The following BCAS3 variants were observed in gnomAD, a reference collection of about 807,000 sequenced individuals.
BCAS3 encodes the protein BCAS3 microtubule associated cell migration factor.
A neutral mutation model predicts 116.1 loss-of-function variants in BCAS3; 53 were observed. That is an observed-to-expected ratio of 0.46 (90% confidence interval 0.37 to 0.57). The LOEUF is 0.57. Ranked by LOEUF, BCAS3 falls within the 20% of genes least tolerant of loss-of-function variation. The pLI, the probability that BCAS3 is intolerant of heterozygous loss-of-function variation, is 0.00. For synonymous variants in BCAS3, 391 were observed against 408.2 expected, an observed-to-expected ratio of 0.96 and a Z score of 0.51; for missense variants, 917 against 1,165.4, an observed-to-expected ratio of 0.79 and a Z score of 3.10.
chr17:61,018,498 C>T (rs1200121928), intron 16 of BCAS3, among the ~76,000 whole-genome samples: 20 of 151,864 alleles, frequency 1.3e-4, no homozygotes, highest in Admixed American at 1.2e-3. Flanking sequence ...GACAGGGTTT[C>T]GCCATGTTGG....
intron 22 of BCAS3, among the ~76,000 whole-genome samples, chr17:61,184,715 A>G (rs1247444906): frequency 6.6e-6 from 1 of 152,200 alleles, no homozygotes; most frequent in African/African-American, 2.4e-5. Flanking sequence ...CCAAATGTTC[A>G]TCAACTGGCG....
Position 60,910,165 on chromosome 17 carries a change from A to G in BCAS3, c.823-367A>G, listed in dbSNP as rs138218742. 1.5e-3 allele frequency among the ~76,000 whole-genome samples: 235 copies of G among 152,314 alleles called. 8 individuals carry two copies. In the East Asian group the frequency reaches 0.019, roughly 13 times the overall value. On this transcript the variant is annotated intron_variant, in intron 11 of 23. Coordinates refer to ENST00000407086, the MANE Select transcript of BCAS3 (RefSeq NM_017679.5). ...AAGAATTGACCATTTCATAGTTTCT[A>G]CTTCTTCCTATGTCATTGATTTTAA...
chr17:60,953,585 T>C (rs2060960499), intron 14 of BCAS3, among the ~76,000 whole-genome samples: 1 of 152,184 alleles, frequency 6.6e-6, no homozygotes, highest in Non-Finnish European at 1.5e-5. Context: ...AGCCCATTTG[T>C]CAATTTTTGC....
Position 61,013,576 on chromosome 17 carries a change from G to A in BCAS3, c.1487-2175G>A, listed in dbSNP as rs1203136429. 6.6e-6 allele frequency among the ~76,000 whole-genome samples: 1 copy of A among 151,866 alleles called. No homozygotes were observed. Among genetic ancestry groups the A allele is most frequent in the Admixed American group, 6.6e-5 (1 of 15,238 alleles). On this transcript the variant is annotated intron_variant, in intron 15 of 23. Transcript: ENST00000407086. This position sits in a 1 kb window ranked among gnomAD's most constrained non-coding sequence, Gnocchi z 4.4. Reference sequence around the variant, plus strand: ...TATTTTCTACAAGGTTCTGTGTTGTGGCCTAAATCATCTTGTGTGTATTGT... The same window carrying A: ...TATTTTCTACAAGGTTCTGTGTTGTAGCCTAAATCATCTTGTGTGTATTGT...
At chr17:61,372,254 C>T (rs1377946381) in intron 23 of BCAS3, among the ~76,000 whole-genome samples, 2 of 152,166 alleles carry the variant, frequency 1.3e-5, no homozygotes, top group African/African-American at 4.8e-5. Context: ...CAGTGCCTAG[C>T]GCAGTGTCTG....
chr17:61,120,392 C>G (rs547190749), intron 22 of BCAS3, among the ~76,000 whole-genome samples: 6 of 152,050 alleles, frequency 3.9e-5, no homozygotes, highest in Admixed American at 2.6e-4. Flanking sequence ...CAGCTACAAA[C>G]CCATATCTTT....
At chr17:61,231,980 G>T (rs1018170054) in intron 22 of BCAS3, among the ~76,000 whole-genome samples, 22 of 151,626 alleles carry the variant, frequency 1.5e-4, no homozygotes, top group Admixed American at 1.1e-3. Context: ...GCCGAGGGGG[G>T]TGGATCACAA....
At chr17:60,752,090 A>C (rs1365962906) in intron 6 of BCAS3, among the ~76,000 whole-genome samples, 1 of 150,960 alleles carries the variant, frequency 6.6e-6, no homozygotes, top group East Asian at 1.9e-4. Context: ...CATAACACTA[A>C]CTTATATTAT....
At chr17:60,875,185 G>A (rs779726595) in intron 9 of BCAS3, among the ~76,000 whole-genome samples, 9 of 152,110 alleles carry the variant, frequency 5.9e-5, no homozygotes, top group Admixed American at 1.3e-4. Context: ...TATTTTAAAA[G>A]AGTGTTCAAA....
At chr17:60,980,111 G>T (rs1296966314) in intron 14 of BCAS3, among the ~76,000 whole-genome samples, 1 of 152,134 alleles carries the variant, frequency 6.6e-6, no homozygotes, top group Non-Finnish European at 1.5e-5. Flanking sequence ...ATTCGGCTGT[G>T]AATCCATCTG....
chr17:60,905,441 A>C (rs1486122155), intron 11 of BCAS3, among the ~76,000 whole-genome samples: 1 of 152,218 alleles, frequency 6.6e-6, no homozygotes, highest in East Asian at 1.9e-4. Flanking sequence ...AAATACAGAT[A>C]GTTTCTGGTT....
At chr17:61,117,227 T>C (rs1452163970) in intron 22 of BCAS3, among the ~76,000 whole-genome samples, 4 of 152,214 alleles carry the variant, frequency 2.6e-5, no homozygotes, top group Admixed American at 2.6e-4. Context: ...ATTCTTTCTG[T>C]GCCTCTTCAT....
rs1275057242 is a variant in BCAS3, at chr17:61,258,770, G to T, written c.2426-109557G>T. 6.6e-6 allele frequency among the ~76,000 whole-genome samples: 1 copy of T among 152,216 alleles called. No homozygotes were observed. Among genetic ancestry groups the T allele is most frequent in the Non-Finnish European group, 1.5e-5 (1 of 68,022 alleles). On this transcript the variant is annotated intron_variant, in intron 22 of 23. Coordinates refer to ENST00000407086, the MANE Select transcript of BCAS3 (RefSeq NM_017679.5). The surrounding 1 kb of genome is among the most constrained non-coding windows in gnomAD (Gnocchi z 4.7). ...CTCTGTAGTTGATTTGGGAAGCCAG[G>T]CATCACTCTGTGGAAGAACCACAGA...
At chr17:61,052,154 CT>C (rs1232271279) in intron 19 of BCAS3, among the ~76,000 whole-genome samples, 3 of 152,036 alleles carry the variant, frequency 2.0e-5, no homozygotes, top group African/African-American at 7.2e-5. Flanking sequence ...CTCTCTGTCA[CT>C]TTCCCTTTTT....
intron 22 of BCAS3, among the ~76,000 whole-genome samples, chr17:61,137,691 C>A (rs60635200): frequency 0.076 from 11,546 of 152,286 alleles, 1,427 homozygotes; most frequent in African/African-American, 0.26. Flanking sequence ...ATCACTTGAA[C>A]CCGGAAGGCA....
rs772809291 is a variant in BCAS3, at chr17:61,013,469, A to G, written c.1487-2282A>G. Among the ~76,000 whole-genome samples the G allele has an allele frequency of 3.3e-5, 5 of 152,102 alleles. No homozygotes were observed. The highest frequency in any genetic ancestry group is 9.7e-5 in the African/African-American group (4 of 41,446). On this transcript the variant is annotated intron_variant, in intron 15 of 23. Transcript: ENST00000407086. This position sits in a 1 kb window ranked among gnomAD's most constrained non-coding sequence, Gnocchi z 4.4. ...ATTGGCCTTGAGAGTGTGATAATAA[A>G]TTACTTCGAATGGCTTAACTATGAA...
At chr17:60,762,417 T>C (rs1165572479) in intron 6 of BCAS3, among the ~76,000 whole-genome samples, 6 of 152,236 alleles carry the variant, frequency 3.9e-5, no homozygotes, top group Non-Finnish European at 8.8e-5. Context: ...TTTCTACATA[T>C]GGCTAGCCAG....
At position 61,285,095 on chromosome 17, in the gene BCAS3, C is replaced by A. The variant is rs993121633; in HGVS notation, c.2426-83232C>A. ...ACTGATGCTAACCTCGGGGTCTCTT[C>A]TGTCCCCTAGTGATTCAAACCAGCT... On this transcript the variant is annotated intron_variant, in intron 22 of 23. Coordinates refer to ENST00000407086, the MANE Select transcript of BCAS3 (RefSeq NM_017679.5). The surrounding 1 kb of genome is among the most constrained non-coding windows in gnomAD (Gnocchi z 5.4). Among the ~76,000 whole-genome samples, 4 of 152,200 alleles carry A rather than the reference C, an allele frequency of 2.6e-5. No individual in the cohort carries two copies. The highest frequency in any genetic ancestry group is 6.5e-5 in the Admixed American group (1 of 15,276).
chr17:61,149,273 C>A (rs1211538890), intron 22 of BCAS3, among the ~76,000 whole-genome samples: 5 of 151,922 alleles, frequency 3.3e-5, no homozygotes, highest in African/African-American at 9.7e-5. Context: ...TAAGATCAGG[C>A]CCATTATTAT....
Sources: allele counts gnomAD v4.1 joint callset (sites outside exome capture counted in the v4.1 genomes callset), GRCh38; gene constraint gnomAD v4.1.1; non-coding constraint Gnocchi (gnomAD v3.1); transcripts MANE v1.5; gene names NCBI Gene and HGNC (gene_info 2026-07-23, HGNC 2026-07-21).